Variants in GRIK3 observed in about 807,000 individuals in gnomAD.
The protein encoded by GRIK3 is glutamate ionotropic receptor kainate type subunit 3.
In GRIK3, 29 loss-of-function variants were observed where a neutral mutation model predicts 102.5. The observed-to-expected ratio is 0.28, with a 90% CI of 0.21 to 0.39. The LOEUF is 0.39. GRIK3 is among the 10% of genes least tolerant of loss of function. The pLI, the probability that GRIK3 is intolerant of heterozygous loss-of-function variation, is 1.00. For synonymous variants in GRIK3, 511 were observed against 504.9 expected (o/e 1.01, Z -0.16); for missense variants, 908 against 1,252.4 (o/e 0.73, Z 4.15).
At chr1:37,025,273 T>C (rs1642755133) in intron 1 of GRIK3, among the ~76,000 whole-genome samples, 1 of 152,202 alleles carries the variant, frequency 6.6e-6, no homozygotes, top group East Asian at 1.9e-4. Context: ...TCCATTGACC[T>C]AGAACAGCAG....
At chr1:36,918,528 TTA>T (rs879849073) in intron 1 of GRIK3, among the ~76,000 whole-genome samples, 5,158 of 152,262 alleles carry the variant, frequency 0.034, 202 homozygotes, top group East Asian at 0.1. Flanking sequence ...ATCATCTGGT[TTA>T]ATCTCTGACA....
chr1:37,001,536 G>C (rs1307922225), intron 1 of GRIK3, among the ~76,000 whole-genome samples: 1 of 152,040 alleles, frequency 6.6e-6, no homozygotes, highest in Non-Finnish European at 1.5e-5. Context: ...AAATCTTCCA[G>C]GCTAGAATCA....
At chr1:36,890,364 G>A (rs968334785) in intron 2 of GRIK3, among the ~76,000 whole-genome samples, 1 of 151,850 alleles carries the variant, frequency 6.6e-6, no homozygotes, top group Non-Finnish European at 1.5e-5. Context: ...CTCAGGAGGC[G>A]GAGAGAGGAG....
At chr1:36,860,052 G>A (rs757801391) in intron 5 of GRIK3, 35 bp from the exon 6 acceptor site, 7 of 1,503,820 alleles carry the variant, frequency 4.7e-6, no homozygotes, top group Non-Finnish European at 6.3e-6. Context: ...ACCAAGGCAT[G>A]CTCACTGCTG....
chr1:36,908,031 G>A (rs559205578), intron 1 of GRIK3, among the ~76,000 whole-genome samples: 112 of 152,230 alleles, frequency 7.4e-4, no homozygotes, highest in Non-Finnish European at 9.1e-4. Context: ...TCAGGGTGGG[G>A]ACAATCTGCA....
chr1:36,840,757 A>C (rs1341535745), intron 10 of GRIK3, among the ~76,000 whole-genome samples: 3 of 152,086 alleles, frequency 2.0e-5, no homozygotes, highest in Non-Finnish European at 4.4e-5. Flanking sequence ...AAATAAAGAA[A>C]TTGAGCCTTA....
chr1:36,968,921 C>A (rs575317611), intron 1 of GRIK3, among the ~76,000 whole-genome samples: 1 of 152,336 alleles, frequency 6.6e-6, no homozygotes, highest in Non-Finnish European at 1.5e-5. Context: ...AAAGCCAAGG[C>A]AGGCAGCCTT....
chr1:36,982,290 C>T (rs1480041943), intron 1 of GRIK3, among the ~76,000 whole-genome samples: 1 of 152,204 alleles, frequency 6.6e-6, no homozygotes, highest in African/African-American at 2.4e-5. Flanking sequence ...GGTGCTGTGG[C>T]TGTGGTCCTC....
rs1642440579 is a variant in GRIK3 at position 36,801,623 on chromosome 1, G to A, written c.*228C>T. 5 of 419,150 alleles carry A rather than the reference G, an allele frequency of 1.2e-5. No homozygotes were observed. In the Admixed American group the frequency reaches 1.2e-4, roughly 10 times the overall value. The allele number at this position is 419,150 out of a possible 1,614,324, so 26.0% of individuals were successfully genotyped here. A position where few individuals can be genotyped will look rare whatever the true frequency, so the allele number is the denominator to read the frequency against. On this transcript the variant is annotated 3_prime_UTR_variant, in exon 16 of 16. Transcript: ENST00000373091. ...TGCTTCCTTTGGCCTTGGCTATCTC[G>A]GCTGGCAGCTTTAGAAACCCACAGA...
intron 1 of GRIK3, among the ~76,000 whole-genome samples, chr1:36,955,799 C>T (rs935364916): frequency 1.3e-5 from 2 of 152,262 alleles, no homozygotes; most frequent in African/African-American, 4.8e-5. Context: ...CTCATGCACA[C>T]ATCCAGAGTG....
intron 1 of GRIK3, among the ~76,000 whole-genome samples, chr1:36,993,641 G>A (rs139731795): frequency 1.4e-3 from 220 of 152,358 alleles, no homozygotes; most frequent in African/African-American, 4.5e-3. Flanking sequence ...GACAACAAGT[G>A]TGAGGCAGAG....
Position 36,799,419 on chromosome 1 carries a change from T to C in GRIK3, c.*2432A>G, listed in dbSNP as rs375548536. 1 of 152,540 alleles carries C rather than the reference T, an allele frequency of 6.6e-6. No individual in the cohort carries two copies. Among genetic ancestry groups the C allele is most frequent in the Admixed American group, 6.5e-5 (1 of 15,296 alleles). 9.4% of individuals were successfully genotyped at this position (152,540 alleles called of 1,614,324 possible). The stretch of plus-strand genomic sequence containing the variant: ...CGTGGCTTCTTGTCTACAGCATGCA[T>C]TGACCCATGTCACACGACTCTCTGG... On this transcript the variant is annotated 3_prime_UTR_variant, in exon 16 of 16. Transcript: ENST00000373091.
chr1:37,030,674 C>T (rs1266952354), intron 1 of GRIK3, among the ~76,000 whole-genome samples: 1 of 151,958 alleles, frequency 6.6e-6, no homozygotes, highest in Non-Finnish European at 1.5e-5. Context: ...CCAGGCTTCC[C>T]CAGCTGCTGC....
intron 1 of GRIK3, among the ~76,000 whole-genome samples, chr1:37,023,326 CAAA>C (rs34286119): frequency 3.4e-5 from 4 of 118,882 alleles, no homozygotes; most frequent in African/African-American, 5.8e-5. Context: ...GACTCTATCT[CAAA>C]AAAAAAAAAA....
chr1:36,894,337 C>T (rs1272057799), intron 1 of GRIK3, among the ~76,000 whole-genome samples: 1 of 152,134 alleles, frequency 6.6e-6, no homozygotes, highest in Non-Finnish European at 1.5e-5. Context: ...GTACTTTATT[C>T]CTCTTTATTG....
chr1:37,003,688 T>C (rs556623689), intron 1 of GRIK3, among the ~76,000 whole-genome samples: 10 of 152,226 alleles, frequency 6.6e-5, no homozygotes, highest in Non-Finnish European at 8.8e-5. Flanking sequence ...GACCTCTCCT[T>C]AACTTGTCTT....
chr1:36,831,823 C>T (rs1334719543), intron 10 of GRIK3, among the ~76,000 whole-genome samples: 1 of 152,170 alleles, frequency 6.6e-6, no homozygotes, highest in African/African-American at 2.4e-5. Context: ...TGGTGGCTGC[C>T]GCATTGAAAG....
chr1:36,939,585 GA>G lies in GRIK3; in HGVS notation c.116-48490del, dbSNP rs1557432887. Among the ~76,000 whole-genome samples, 15 of 152,332 alleles carry G rather than the reference GA, an allele frequency of 9.8e-5. No individual in the cohort carries two copies. In the South Asian group the frequency reaches 3.1e-3, roughly 32 times the overall value. On this transcript the variant is annotated intron_variant, in intron 1 of 15. Coordinates refer to ENST00000373091, the MANE Select transcript of GRIK3 (RefSeq NM_000831.4). ...ATCAGCCCCTAAGGAAGAAAAAGCA[GA>G]AATGTGTATTACAAGGATAATGCTT...
chr1:36,894,959 C>A (rs1641157146), intron 1 of GRIK3, among the ~76,000 whole-genome samples: 1 of 152,200 alleles, frequency 6.6e-6, no homozygotes, highest in South Asian at 2.1e-4. Context: ...GCTGGGGTTT[C>A]ATGAGAGACT....
Sources: gnomAD v4.1 joint callset for allele counts (sites outside exome capture counted in the v4.1 genomes callset) on GRCh38, gnomAD v4.1.1 for gene constraint, MANE v1.5 for transcripts, NCBI Gene and HGNC (gene_info 2026-07-23, HGNC 2026-07-21) for gene names.